MAP4: variants seen among roughly 807,000 people sequenced by gnomAD.
The protein encoded by MAP4 is microtubule associated protein 4.
In MAP4, 76 loss-of-function variants were observed where a neutral mutation model predicts 170.2. The observed-to-expected ratio is 0.45, with a 90% confidence interval of 0.37 to 0.54. The LOEUF (loss-of-function observed/expected upper bound fraction) is 0.54. Among genes scored for constraint, MAP4 ranks in the 20% least tolerant of loss-of-function variants. MAP4 has a pLI of 0.00. For missense variants in MAP4, 2,506 were observed against 2,748.0 expected (o/e 0.91, Z 1.97); for synonymous variants, 909 against 994.5 (o/e 0.91, Z 1.62).
intron 1 of MAP4, among the ~76,000 whole-genome samples, chr3:48,013,792 T>C (rs577161754): frequency 2.6e-5 from 4 of 151,304 alleles, no homozygotes; most frequent in Admixed American, 2.0e-4. Flanking sequence ...TGAGCCAATC[T>C]GACTGGAGCT....
chr3:47,852,987 G>C (rs2149467341), intron 20 of MAP4, 49 bp from the exon 21 acceptor site: 1 of 1,614,214 alleles, frequency 6.2e-7, no homozygotes, highest in Non-Finnish European at 8.5e-7. Context: ...GGGGAGACAA[G>C]AGGGGAACAC....
intron 4 of MAP4, among the ~76,000 whole-genome samples, chr3:47,924,271 A>T (rs558528050): frequency 6.6e-6 from 1 of 152,294 alleles, no homozygotes; most frequent in African/African-American, 2.4e-5. Flanking sequence ...AGTGGTTATG[A>T]GGAGGAAGAC....
At chr3:48,039,882 T>C (rs747590037) in intron 1 of MAP4, among the ~76,000 whole-genome samples, 2 of 152,238 alleles carry the variant, frequency 1.3e-5, no homozygotes, top group African/African-American at 2.4e-5. Flanking sequence ...AGTCCTTTCA[T>C]AGACTTCCTC....
chr3:47,882,953 T>C (rs920255284), intron 10 of MAP4, among the ~76,000 whole-genome samples: 3 of 151,922 alleles, frequency 2.0e-5, no homozygotes, highest in African/African-American at 7.3e-5. Flanking sequence ...ATTACACGTG[T>C]GCGCTACCAT....
At chr3:48,012,722 C>G (rs763198957) in intron 1 of MAP4, among the ~76,000 whole-genome samples, 1 of 151,926 alleles carries the variant, frequency 6.6e-6, no homozygotes, top group Non-Finnish European at 1.5e-5. Context: ...GGAATATGAA[C>G]AGTAGCTGAA....
At chr3:47,888,550 G>C (rs9815717) in intron 10 of MAP4, among the ~76,000 whole-genome samples, 1,578 of 152,046 alleles carry the variant, frequency 0.01, 29 homozygotes, top group African/African-American at 0.037. Flanking sequence ...GAACCCACCA[G>C]AAGGAAGAAA....
At position 47,921,758 on chromosome 3, in the gene MAP4, G is replaced by A; in HGVS notation, c.529+7C>T. ...CTACAGAATAAATCCATTTGAAGAA[G>A]CCATACCGTAACTGTCTTTCAAGGG... On this transcript the variant is annotated splice_region_variant and intron_variant, in intron 5 of 20. Transcript: ENST00000683076. 2 of 1,537,538 alleles carry A rather than the reference G, an allele frequency of 1.3e-6. No homozygotes were observed. Among genetic ancestry groups the A allele is most frequent in the African/African-American group, 1.4e-5 (1 of 73,338 alleles).
intron 1 of MAP4, among the ~76,000 whole-genome samples, chr3:48,002,914 T>C (rs1197445828): frequency 1.3e-5 from 2 of 148,924 alleles, no homozygotes; most frequent in African/African-American, 2.5e-5. Flanking sequence ...AATAAATAAG[T>C]AAAAAATAAA....
chr3:48,063,966 G>C (rs981847033), intron 1 of MAP4, among the ~76,000 whole-genome samples: 1 of 152,128 alleles, frequency 6.6e-6, no homozygotes, highest in Non-Finnish European at 1.5e-5. Flanking sequence ...TACAGTGAAA[G>C]AGATCTGATC....
At chr3:47,865,406 C>T (rs1364463521) in intron 17 of MAP4, among the ~76,000 whole-genome samples, 2 of 152,184 alleles carry the variant, frequency 1.3e-5, no homozygotes, top group African/African-American at 4.8e-5. Context: ...CTATTCCAGG[C>T]TGACTAATTA....
At chr3:47,951,806 C>G (rs1387824577) in intron 3 of MAP4, among the ~76,000 whole-genome samples, 1 of 150,656 alleles carries the variant, frequency 6.6e-6, no homozygotes, top group Non-Finnish European at 1.5e-5. Context: ...TCTGCCTGGC[C>G]GCCCATCGTC....
At chr3:47,982,770 A>G (rs1170457347) in intron 2 of MAP4, among the ~76,000 whole-genome samples, 1 of 150,990 alleles carries the variant, frequency 6.6e-6, no homozygotes, top group Non-Finnish European at 1.5e-5. Flanking sequence ...TTCCATTTGT[A>G]AAATGGAATC....
intron 2 of MAP4, among the ~76,000 whole-genome samples, chr3:47,981,924 C>T (rs1157144508): frequency 6.6e-6 from 1 of 152,068 alleles, no homozygotes; most frequent in African/African-American, 2.4e-5. Context: ...AAATAACAGA[C>T]CCCATCATCT....
At chr3:47,950,745 A>G (rs1330957746) in intron 3 of MAP4, among the ~76,000 whole-genome samples, 5 of 152,122 alleles carry the variant, frequency 3.3e-5, no homozygotes, top group Non-Finnish European at 1.5e-5. Context: ...TACAGAATAG[A>G]GGTTGCTTTT....
chr3:47,872,127 C>T, intron 12 of MAP4, 27 bp from the exon 13 acceptor site: 3 of 1,586,010 alleles, frequency 1.9e-6, no homozygotes, highest in Non-Finnish European at 2.6e-6. Flanking sequence ...GGGAATGAGG[C>T]CTGCAGGTCA....
At chr3:48,030,306 C>T (rs558387173) in intron 1 of MAP4, among the ~76,000 whole-genome samples, 1 of 151,738 alleles carries the variant, frequency 6.6e-6, no homozygotes, top group South Asian at 2.1e-4. Context: ...CTTCAGGGGA[C>T]ACCCCAGTAA....
Position 47,871,060 on chromosome 3 carries a change from T to C in MAP4, c.6047A>G (p.Lys2016Arg). The change falls in exon 15 of 21, where the codon AAA (lysine) becomes AGA (arginine). Residue 2016 changes from lysine (K) to arginine (R), a missense_variant. By Grantham distance (26) the Lys-to-Arg change is conservative. Around this residue, in one of 3 missense-constraint regions of MAP4, gnomAD observed 487 missense variants for 511.6 expected, o/e 0.95. Transcript: ENST00000683076. ...PKSTSTSSMK[K>R]TTTLSGTAPA... Reference sequence around the variant, plus strand: ...GGCTGTCCCACTGAGAGTGGTGGTTTTCTTCATGGAACTGGTGGAGGTGCT... The same window carrying C: ...GGCTGTCCCACTGAGAGTGGTGGTTCTCTTCATGGAACTGGTGGAGGTGCT... The C allele has an allele frequency of 6.2e-7, 1 of 1,611,800 alleles. No individual in the cohort carries two copies. The highest frequency in any genetic ancestry group is 8.5e-7 in the Non-Finnish European group (1 of 1,178,418).
chr3:48,047,956 T>A (rs1417880880), intron 1 of MAP4, among the ~76,000 whole-genome samples: 1 of 152,136 alleles, frequency 6.6e-6, no homozygotes, highest in African/African-American at 2.4e-5. Context: ...CAGAGAGAGA[T>A]GTTTGGCACA....
At position 47,917,177 on chromosome 3, in the gene MAP4, A is replaced by C. The variant is rs748241503; in HGVS notation, c.653-3T>G. 4 of 1,608,576 alleles carry C rather than the reference A, an allele frequency of 2.5e-6. No individual in the cohort carries two copies. Among genetic ancestry groups the C allele is most frequent in the Admixed American group, 1.7e-5 (1 of 58,840 alleles). On this transcript the variant is annotated splice_region_variant and splice_polypyrimidine_tract_variant and intron_variant, in intron 6 of 20. Coordinates refer to ENST00000683076, the MANE Select transcript of MAP4 (RefSeq NM_001385682.1). ...CTCCTTGGCTAGCTCTAAGGGAACTAAATTGGAAATTTAGGACACATCATT... is the reference window on the plus strand; with the variant it reads ...CTCCTTGGCTAGCTCTAAGGGAACTCAATTGGAAATTTAGGACACATCATT...
Sources: gnomAD v4.1 joint callset for allele counts (sites outside exome capture counted in the v4.1 genomes callset) on GRCh38, gnomAD v4.1.1 for gene constraint, gnomAD v4.1.1 regional missense constraint, MANE v1.5 for transcripts, NCBI Gene and HGNC (gene_info 2026-07-23, HGNC 2026-07-21) for gene names.